SYNE1: variants seen among roughly 807,000 people sequenced by gnomAD.
The protein encoded by SYNE1 is nesprin-1.
A neutral mutation model predicts 1,111.0 loss-of-function variants in SYNE1; 616 were observed. The observed-to-expected ratio is 0.55, with a 90% confidence interval of 0.52 to 0.59. The LOEUF (loss-of-function observed/expected upper bound fraction) is 0.59, where lower values mean the gene tolerates loss of function less well. Ranked by LOEUF, SYNE1 falls within the 20% of genes least tolerant of loss-of-function variation. The pLI, the probability that SYNE1 is intolerant of heterozygous loss-of-function variation, is 0.00. For synonymous variants in SYNE1, 3,855 were observed against 3,825.8 expected, an observed-to-expected ratio of 1.01 and a Z score of -0.28; for missense variants, 10,006 against 10,417.0, an observed-to-expected ratio of 0.96 and a Z score of 1.72.
rs1261383337 is a variant in SYNE1 at position 152,486,867 on chromosome 6, TC to T, written c.1047+1528del. Among the ~76,000 whole-genome samples the T allele has an allele frequency of 2.0e-5, 3 of 152,224 alleles. No homozygotes were observed. In the East Asian group the frequency reaches 5.8e-4, roughly 29 times the overall value. On this transcript the variant is annotated intron_variant, in intron 12 of 145. Coordinates refer to ENST00000367255, the MANE Select transcript of SYNE1 (RefSeq NM_182961.4). ...TCTTTTGTCTACCATGTTGAAGTTC[TC>T]ACTTCATTTGACCTTTTTCTGTAGC...
In SYNE1 at chr6:152,488,638, T is replaced by C. The variant is rs9371254; in HGVS notation, c.940-135A>G. On this transcript the variant is annotated intron_variant, in intron 11 of 145. Transcript: ENST00000367255. ...GTCTCTGAAAAATTTCCTTTCTCCTTACCCCCACCTTTAGGACAGTAAGAA... is the reference window on the plus strand; with the variant it reads ...GTCTCTGAAAAATTTCCTTTCTCCTCACCCCCACCTTTAGGACAGTAAGAA... The C allele has an allele frequency of 0.48, 282,902 of 590,134 alleles. 73,257 individuals are homozygous for C. Among genetic ancestry groups the C allele is most frequent in the East Asian group, 0.78 (27,557 of 35,346 alleles). 36.6% of individuals were successfully genotyped at this position (590,134 alleles called of 1,614,324 possible).
chr6:152,437,061 G>A (rs2098480494), intron 32 of SYNE1, among the ~76,000 whole-genome samples: 2 of 152,062 alleles, frequency 1.3e-5, no homozygotes, highest in South Asian at 4.1e-4. Flanking sequence ...TGGCTACTCA[G>A]GAGGCTGAGG....
chr6:152,369,574 T>C lies in SYNE1; in HGVS notation c.9548A>G (p.Glu3183Gly). The change falls in exon 60 of 146, where the codon GAG becomes GGG. Residue 3183 changes from glutamate to glycine, a missense_variant. Glu to Gly is a moderately conservative substitution (Grantham distance 98). Transcript: ENST00000367255. ...TTTACTCAGCCAGTCCTGGATAGGC[T>C]CAGCACTTACTTCAAAGTCCTTCAT... ...IQMKDFEVSAEPIQDWLSKTE... is the reference protein window; with the variant it reads ...IQMKDFEVSAGPIQDWLSKTE... The C allele has an allele frequency of 6.2e-7, 1 of 1,614,208 alleles. No individual in the cohort carries two copies. Among genetic ancestry groups the C allele is most frequent in the Non-Finnish European group, 8.5e-7 (1 of 1,180,040 alleles).
chr6:152,313,031 A>G (rs2095600801), intron 87 of SYNE1, among the ~76,000 whole-genome samples: 1 of 152,224 alleles, frequency 6.6e-6, no homozygotes, highest in Non-Finnish European at 1.5e-5. Flanking sequence ...AAAGCAGGAA[A>G]AGAAATGCAT....
intron 3 of SYNE1, among the ~76,000 whole-genome samples, chr6:152,574,788 C>A (rs1246438496): frequency 6.6e-6 from 1 of 151,428 alleles, no homozygotes; most frequent in African/African-American, 2.5e-5. Context: ...TTTTTTCAGG[C>A]ACACTAACAC....
chr6:152,247,727 T>TTTTATATATATA (rs1193626300), intron 105 of SYNE1, among the ~76,000 whole-genome samples: 4 of 117,784 alleles, frequency 3.4e-5, no homozygotes, highest in African/African-American at 1.0e-4. Flanking sequence ...ATATTTTTTA[T>TTTTATATATATA]TATATATATA....
intron 64 of SYNE1, among the ~76,000 whole-genome samples, chr6:152,361,588 G>A (rs565439780): frequency 1.2e-4 from 18 of 152,284 alleles, no homozygotes; most frequent in African/African-American, 4.1e-4. Flanking sequence ...GAGGTTAAAG[G>A]ATTTCTGTGT....
intron 145 of SYNE1, among the ~76,000 whole-genome samples, chr6:152,123,662 G>C (rs1034746062): frequency 2.6e-5 from 4 of 152,076 alleles, no homozygotes; most frequent in Non-Finnish European, 5.9e-5. Context: ...ACAGGCATTT[G>C]GTGTACACTC....
chr6:152,414,714 C>T (rs1238540950), intron 41 of SYNE1, among the ~76,000 whole-genome samples: 1 of 152,086 alleles, frequency 6.6e-6, no homozygotes, highest in East Asian at 1.9e-4. Context: ...TGATGTGGCT[C>T]CTGAGCTCAA....
chr6:152,427,447 C>T (rs1321137229), intron 38 of SYNE1, among the ~76,000 whole-genome samples: 1 of 152,106 alleles, frequency 6.6e-6, no homozygotes, highest in Non-Finnish European at 1.5e-5. Context: ...CCGGGCATTA[C>T]ATTACAGGAT....
In SYNE1 at chr6:152,325,962, T is replaced by C. The variant is rs2153952625; in HGVS notation, c.15434A>G (p.His5145Arg). Residue 5145 changes from histidine to arginine, a missense_variant, in exon 80 of 146, where the codon CAC becomes CGC. His to Arg is a conservative substitution (Grantham distance 29). Transcript: ENST00000367255. ...TAAATGGCCCAAAACTCTGACCTTG[T>C]GTTCTGACAATTTTTCTTCCGCTTC... ...SHEAEEKLSE[H>R]KALVSVVNSF... 9.9e-6 allele frequency: 16 copies of C among 1,614,224 alleles called. No individual in the cohort carries two copies. The highest frequency in any genetic ancestry group is 1.4e-5 in the Non-Finnish European group (16 of 1,180,038).
intron 3 of SYNE1, among the ~76,000 whole-genome samples, chr6:152,609,208 C>G (rs2099624464): frequency 6.6e-6 from 1 of 152,028 alleles, no homozygotes; most frequent in Non-Finnish European, 1.5e-5. Context: ...GGGGATTTCC[C>G]TTTCTTAGCC....
At chr6:152,328,380 TTTTATTTATTTATTTA>T (rs56379838) in intron 78 of SYNE1, among the ~76,000 whole-genome samples, 63 of 137,556 alleles carry the variant, frequency 4.6e-4, no homozygotes, top group African/African-American at 6.6e-4. Context: ...TCTTATTTTA[TTTTATTTATTTATTTA>T]TTTATTTATT....
At chr6:152,147,971 G>A (rs558449983) in intron 137 of SYNE1, 74 bp downstream of exon 137, 1 of 1,271,940 alleles carries the variant, frequency 7.9e-7, no homozygotes, top group South Asian at 1.2e-5. Context: ...CTGGATAGCT[G>A]TCATGTTTCC....
intron 3 of SYNE1, among the ~76,000 whole-genome samples, chr6:152,560,468 C>T (rs2128221649): frequency 6.6e-6 from 1 of 152,162 alleles, no homozygotes; most frequent in East Asian, 1.9e-4. Flanking sequence ...CAAAGAAAAT[C>T]CCAGGACCTG....
chr6:152,390,805 C>T (rs2097602245), intron 52 of SYNE1, among the ~76,000 whole-genome samples: 1 of 152,190 alleles, frequency 6.6e-6, no homozygotes, highest in Non-Finnish European at 1.5e-5. Flanking sequence ...GCTAATTTCT[C>T]TCTTTCAAGG....
chr6:152,294,168 A>G (rs2094747450), intron 93 of SYNE1, 41 bp from the exon 94 acceptor site: 4 of 1,604,452 alleles, frequency 2.5e-6, no homozygotes, highest in Non-Finnish European at 3.4e-6. Context: ...ACAAAAAGAC[A>G]AAGTCTAGAT....
At chr6:152,452,480 T>G (rs2098659358) in intron 25 of SYNE1, among the ~76,000 whole-genome samples, 1 of 152,198 alleles carries the variant, frequency 6.6e-6, no homozygotes, top group Admixed American at 6.5e-5. Flanking sequence ...AAAAAGGATA[T>G]TTCTTTAACT....
intron 110 of SYNE1, 57 bp downstream of exon 110, chr6:152,236,050 C>A: frequency 4.4e-6 from 7 of 1,573,786 alleles, no homozygotes; most frequent in African/African-American, 1.3e-5. Context: ...CCCGCACTAG[C>A]CTTATTAATA....
Sources: allele counts gnomAD v4.1 joint callset (sites outside exome capture counted in the v4.1 genomes callset), GRCh38; gene constraint gnomAD v4.1.1; transcripts MANE v1.5; gene names NCBI Gene and HGNC (gene_info 2026-07-23, HGNC 2026-07-21).